The following HDGFL3 variants were observed in gnomAD, a reference collection of about 807,000 sequenced individuals.
The protein encoded by HDGFL3 is HDGF like 3.
A neutral mutation model predicts 27.6 loss-of-function variants in HDGFL3; 6 were observed. The observed-to-expected ratio is 0.22, with a 90% CI of 0.12 to 0.43. The LOEUF (loss-of-function observed/expected upper bound fraction) is 0.43. Ranked by LOEUF, HDGFL3 falls within the 20% of genes least tolerant of loss-of-function variation. The pLI is 1.00. For synonymous variants in HDGFL3, 88 were observed against 88.9 expected (o/e 0.99, Z 0.05); for missense variants, 207 against 250.1 (o/e 0.83, Z 1.16).
intron 5 of HDGFL3, among the ~76,000 whole-genome samples, chr15:83,143,048 C>T (rs1441532308): frequency 1.3e-5 from 2 of 151,966 alleles, no homozygotes; most frequent in Non-Finnish European, 2.9e-5. Flanking sequence ...CGGAGTCTTG[C>T]TCTGTCACCC....
intron 1 of HDGFL3, among the ~76,000 whole-genome samples, chr15:83,178,343 C>T (rs999599350): frequency 6.6e-6 from 1 of 152,164 alleles, no homozygotes; most frequent in African/African-American, 2.4e-5. Context: ...AAGAGTTACT[C>T]TTCACCCTCT....
intron 1 of HDGFL3, among the ~76,000 whole-genome samples, chr15:83,197,420 C>T (rs2037584858): frequency 6.6e-6 from 1 of 152,138 alleles, no homozygotes; most frequent in East Asian, 1.9e-4. Flanking sequence ...GAATGCCTTC[C>T]TATCATCAAT....
In HDGFL3 at chr15:83,136,783, C is replaced by T; in HGVS notation, c.*2487G>A. ...ATACGTGAGTACTTAAGAATATGTA[C>T]ATTCTTGCTCTGCACTGTATGTGTG... On this transcript the variant is annotated 3_prime_UTR_variant, in exon 6 of 6. Coordinates refer to ENST00000299633, the MANE Select transcript of HDGFL3 (RefSeq NM_016073.4). 1 of 915,840 alleles carries T rather than the reference C, an allele frequency of 1.1e-6. No individual in the cohort carries two copies. The highest frequency in any genetic ancestry group is 1.6e-6 in the Non-Finnish European group (1 of 609,796). 56.7% of individuals were successfully genotyped at this position (915,840 alleles called of 1,614,324 possible). A position where few individuals can be genotyped will look rare whatever the true frequency, so the allele number is the denominator to read the frequency against.
intron 3 of HDGFL3, chr15:83,122,631 C>T (rs1327992183): frequency 4.2e-6 from 4 of 962,510 alleles, no homozygotes; most frequent in Non-Finnish European, 4.6e-6. Context: ...TTTAATTTGG[C>T]CTCATTAAAA....
At chr15:83,139,816 G>A (rs920401946) in intron 5 of HDGFL3, among the ~76,000 whole-genome samples, 1 of 152,090 alleles carries the variant, frequency 6.6e-6, no homozygotes. Context: ...TAAAGAATAA[G>A]AGGAAGCCTA....
intron 1 of HDGFL3, among the ~76,000 whole-genome samples, chr15:83,199,724 T>C (rs1206909983): frequency 6.6e-6 from 1 of 152,104 alleles, no homozygotes; most frequent in Admixed American, 6.6e-5. Flanking sequence ...CCCCAAATCC[T>C]GAAGCTCTGT....
In HDGFL3 at chr15:83,207,346, C is replaced by A. The variant is rs760943990; in HGVS notation, c.69G>T (p.Pro23=). 6 of 1,399,584 alleles carry A rather than the reference C, an allele frequency of 4.3e-6. No homozygotes were observed. Among genetic ancestry groups the A allele is most frequent in the South Asian group, 1.8e-5 (1 of 56,580 alleles). 86.7% of individuals were successfully genotyped at this position (1,399,584 alleles called of 1,614,324 possible). A position where few individuals can be genotyped will look rare whatever the true frequency, so the allele number is the denominator to read the frequency against. Residue 23 remains proline, a synonymous_variant, in exon 1 of 6, where the codon CCG becomes CCT. Transcript: ENST00000299633. This position sits in a 1 kb window ranked among gnomAD's most constrained non-coding sequence, Gnocchi z 4.8. ...CGGTACTCACCCGGGCCGGCCAGTG[C>A]GGGTAGCCCTTCATCTTGGCGAAGA... ...DLVFAKMKGY[P]HWPARIDELP...
At chr15:83,140,335 T>TG (rs1253005426) in intron 5 of HDGFL3, among the ~76,000 whole-genome samples, 1 of 152,064 alleles carries the variant, frequency 6.6e-6, no homozygotes, top group African/African-American at 2.4e-5. Context: ...ACTTAAAAAA[T>TG]GGAGTGCCTG....
At chr15:83,119,077 C>T (rs751065907) in intron 3 of HDGFL3, among the ~76,000 whole-genome samples, 3 of 152,126 alleles carry the variant, frequency 2.0e-5, no homozygotes, top group Non-Finnish European at 2.9e-5. Context: ...TGTGAAGCTC[C>T]GAGTTCGGTG....
intron 1 of HDGFL3, among the ~76,000 whole-genome samples, chr15:83,201,272 T>C (rs867768627): frequency 2.6e-5 from 4 of 152,038 alleles, no homozygotes; most frequent in Non-Finnish European, 5.9e-5. Flanking sequence ...ACATACAAAA[T>C]GTAAGCCTCA....
At position 83,128,778 on chromosome 15, in the gene HDGFL3, T is replaced by TG. The variant is rs1017767510; in HGVS notation, c.*10491dup. Reference sequence around the variant, plus strand: ...CATCCAGCAACTCAAGCCAGAAACTTGGAGTAATTATTTACACTCCTCATC... The same window carrying TG: ...CATCCAGCAACTCAAGCCAGAAACTTGGGAGTAATTATTTACACTCCTCATC... On this transcript the variant is annotated 3_prime_UTR_variant, in exon 6 of 6. Coordinates refer to ENST00000299633, the MANE Select transcript of HDGFL3 (RefSeq NM_016073.4). The TG allele has an allele frequency of 6.6e-6, 1 of 152,172 alleles. No individual in the cohort carries two copies. Among genetic ancestry groups the TG allele is most frequent in the Non-Finnish European group, 1.5e-5 (1 of 68,032 alleles). The allele number at this position is 152,172 out of a possible 1,614,324, so 9.4% of individuals were successfully genotyped here. A position where few individuals can be genotyped will look rare whatever the true frequency, so the allele number is the denominator to read the frequency against.
intron 1 of HDGFL3, among the ~76,000 whole-genome samples, chr15:83,187,340 TTG>T (rs542855423): frequency 1.3e-3 from 197 of 151,522 alleles, no homozygotes; most frequent in Middle Eastern, 6.8e-3. Flanking sequence ...AGTTTTTTTT[TTG>T]TGTGTGTGTG....
intron 1 of HDGFL3, among the ~76,000 whole-genome samples, chr15:83,183,474 A>G (rs1168846234): frequency 1.3e-5 from 2 of 152,126 alleles, no homozygotes; most frequent in East Asian, 3.9e-4. Flanking sequence ...TATAAAGAGC[A>G]CCTTGGCTGG....
Position 83,207,260 on chromosome 15 carries a change from A to AG in HDGFL3, c.84+70dup, listed in dbSNP as rs2037730725. 1.9e-6 allele frequency: 2 copies of AG among 1,071,304 alleles called. No homozygotes were observed. The highest frequency in any genetic ancestry group is 2.8e-5 in the South Asian group (1 of 36,214). The allele number at this position is 1,071,304 out of a possible 1,614,324, so 66.4% of individuals were successfully genotyped here. A position where few individuals can be genotyped will look rare whatever the true frequency, so the allele number is the denominator to read the frequency against. ...GGCTCGGGGCTGAGGCGATGGGGAA[A>AG]GGGGGCGGGCGCGCCATCATGAAGG... On this transcript the variant is annotated intron_variant, in intron 1 of 5. Transcript: ENST00000299633. The surrounding 1 kb of genome is among the most constrained non-coding windows in gnomAD (Gnocchi z 4.8).
At chr15:83,198,247 T>C (rs2037597079) in intron 1 of HDGFL3, among the ~76,000 whole-genome samples, 1 of 152,080 alleles carries the variant, frequency 6.6e-6, no homozygotes, top group Non-Finnish European at 1.5e-5. Context: ...GTGACCTTCA[T>C]GTAAGACTGT....
intron 1 of HDGFL3, among the ~76,000 whole-genome samples, chr15:83,195,964 GA>G (rs1377711996): frequency 6.6e-6 from 1 of 151,928 alleles, no homozygotes; most frequent in Non-Finnish European, 1.5e-5. Flanking sequence ...TAGAAAGTAT[GA>G]AATAGCAGAT....
chr15:83,150,218 T>C (rs192076071), intron 5 of HDGFL3, among the ~76,000 whole-genome samples: 24 of 152,254 alleles, frequency 1.6e-4, no homozygotes, highest in Non-Finnish European at 2.9e-4. Flanking sequence ...TTGTTGCTAC[T>C]TGCATATTGA....
chr15:83,202,327 T>C (rs2037657537), intron 1 of HDGFL3, among the ~76,000 whole-genome samples: 2 of 152,268 alleles, frequency 1.3e-5, no homozygotes, highest in South Asian at 4.1e-4. Context: ...TTTATTCTTA[T>C]GCTTTACAAA....
chr15:83,147,617 G>A (rs2036914217), intron 5 of HDGFL3, among the ~76,000 whole-genome samples: 1 of 152,114 alleles, frequency 6.6e-6, no homozygotes, highest in African/African-American at 2.4e-5. Flanking sequence ...TTGACCAACA[G>A]AACAGAATAG....
Sources: gnomAD v4.1 joint callset for allele counts (sites outside exome capture counted in the v4.1 genomes callset) on GRCh38, gnomAD v4.1.1 for gene constraint, Gnocchi (gnomAD v3.1) non-coding constraint, MANE v1.5 for transcripts, NCBI Gene and HGNC (gene_info 2026-07-23, HGNC 2026-07-21) for gene names.